The following SAMD7 variants were observed in gnomAD, a reference collection of about 807,000 sequenced individuals.
SAMD7 encodes sterile alpha motif domain-containing protein 7.
Under a neutral mutation model 36.7 loss-of-function variants are expected in SAMD7, and 34 were observed. That is an observed-to-expected ratio of 0.93 (90% CI 0.71 to 1.23). The LOEUF is 1.23. Among genes scored for constraint, SAMD7 ranks in the 50% most tolerant of loss-of-function variants. SAMD7 has a pLI of 0.00. For missense variants in SAMD7, 570 were observed against 546.6 expected (o/e 1.04, Z -0.43); for synonymous variants, 188 against 189.7 (o/e 0.99, Z 0.07).
intron 3 of SAMD7, among the ~76,000 whole-genome samples, chr3:169,920,132 C>A (rs2108257564): frequency 6.6e-6 from 1 of 152,340 alleles, no homozygotes; most frequent in South Asian, 2.1e-4. Flanking sequence ...TGAGATCGTG[C>A]CCTTGCACTC....
At chr3:169,935,389 G>T (rs1016134981) in intron 7 of SAMD7, among the ~76,000 whole-genome samples, 6 of 152,166 alleles carry the variant, frequency 3.9e-5, no homozygotes, top group Admixed American at 1.3e-4. Flanking sequence ...GTCTTTAAAT[G>T]GTGGAGAGAC....
At chr3:169,923,422 C>A (rs6770626) in intron 4 of SAMD7, among the ~76,000 whole-genome samples, 136,621 of 152,280 alleles carry the variant, frequency 0.9, 61,563 homozygotes, top group East Asian at 0.99. Context: ...CCATGATTAC[C>A]GACAACAGGC....
chr3:169,927,123 T>C lies in SAMD7; in HGVS notation c.861T>C (p.Phe287=), dbSNP rs1402099969. 1.9e-6 allele frequency: 3 copies of C among 1,574,932 alleles called. No homozygotes were observed. The highest frequency in any genetic ancestry group is 2.4e-5 in the South Asian group (2 of 84,868). ...AAGAGGAGGCTTCGGAGCAGATTTT[T>C]GCAACCTGTGATGAAAAGAATGGGG... is the stretch of plus-strand genomic sequence containing the variant. ...DGKEEASEQI[F]ATCDEKNGVC... Residue 287 remains phenylalanine, a synonymous_variant, in exon 6 of 9, where the codon TTT becomes TTC. Coordinates refer to ENST00000335556, the MANE Select transcript of SAMD7 (RefSeq NM_001304366.2).
chr3:169,932,629 A>G, intron 7 of SAMD7: 1 of 536,654 alleles, frequency 1.9e-6, no homozygotes, highest in Non-Finnish European at 3.7e-6. Flanking sequence ...GAGAAACAGA[A>G]TCAGCTTGTG....
At chr3:169,921,126 C>T (rs1329616819) in intron 3 of SAMD7, 88 bp from the exon 4 acceptor site, 2 of 1,181,410 alleles carry the variant, frequency 1.7e-6, no homozygotes, top group South Asian at 1.3e-5. Context: ...TCCCATATGG[C>T]AATAACAAAA....
chr3:169,919,704 C>A, intron 3 of SAMD7, 120 bp downstream of exon 3: 1 of 849,794 alleles, frequency 1.2e-6, no homozygotes, highest in South Asian at 1.5e-5. Context: ...AACTGTGGTG[C>A]AGTAATTCAA....
At chr3:169,935,691 T>G (rs558823155) in intron 7 of SAMD7, among the ~76,000 whole-genome samples, 1 of 152,274 alleles carries the variant, frequency 6.6e-6, no homozygotes, top group East Asian at 1.9e-4. Flanking sequence ...ATCATGAAAT[T>G]ACGGTCCTAT....
intron 4 of SAMD7, among the ~76,000 whole-genome samples, chr3:169,924,067 C>T (rs1267980914): frequency 6.6e-6 from 1 of 152,098 alleles, no homozygotes; most frequent in Non-Finnish European, 1.5e-5. Flanking sequence ...GAATTGGTAG[C>T]TTCATGCATG....
At position 169,921,216 on chromosome 3, in the gene SAMD7, A is replaced by T. The variant is rs753499250; in HGVS notation, c.89A>T (p.Asp30Val). 6.2e-6 allele frequency: 10 copies of T among 1,613,756 alleles called. No homozygotes were observed. In the Admixed American group the frequency reaches 1.0e-4, roughly 16 times the overall value. Residue 30 changes from aspartate (D) to valine (V), a missense_variant and splice_region_variant, in exon 4 of 9, where the codon GAT becomes GTT. Coordinates refer to ENST00000335556, the MANE Select transcript of SAMD7 (RefSeq NM_001304366.2). ...SPFGPPTVDR[D>V]VLPSTVAPTD... ...ATTTTATATCTTTTTGTTCTCAGAG[A>T]TGTATTGCCTTCCACCGTAGCTCCA...
intron 7 of SAMD7, among the ~76,000 whole-genome samples, chr3:169,931,476 C>T (rs950587984): frequency 6.6e-5 from 10 of 151,988 alleles, no homozygotes; most frequent in Admixed American, 4.6e-4. Context: ...CAGGTGCACA[C>T]TACCACACCC....
Position 169,916,942 on chromosome 3 carries a change from T to C in SAMD7, c.-42+1501T>C, listed in dbSNP as rs1176508847. Among the ~76,000 whole-genome samples, 4 of 152,208 alleles carry C rather than the reference T, an allele frequency of 2.6e-5. No homozygotes were observed. The East Asian group carries it at 7.7e-4, about 29-fold the overall frequency. On this transcript the variant is annotated intron_variant, in intron 2 of 8. Coordinates refer to ENST00000335556, the MANE Select transcript of SAMD7 (RefSeq NM_001304366.2). ...CAGCCCATCTCCGACCCAGCCTGTG[T>C]TCTCTGCTGGCATCCTCCATGGCTT... is the stretch of plus-strand genomic sequence containing the variant.
At chr3:169,932,655 T>G in intron 7 of SAMD7, 1 of 552,764 alleles carries the variant, frequency 1.8e-6, no homozygotes. Context: ...GGAGACACAA[T>G]GGAAAAATCT....
At chr3:169,919,394 A>G (rs1412519821) in intron 2 of SAMD7, 64 bp from the exon 3 acceptor site, 10 of 881,698 alleles carry the variant, frequency 1.1e-5, no homozygotes, top group Non-Finnish European at 1.9e-5. Flanking sequence ...TGTGTTCAAG[A>G]AGAATTCAAA....
At chr3:169,916,693 T>G (rs144733688) in intron 2 of SAMD7, among the ~76,000 whole-genome samples, 1 of 152,324 alleles carries the variant, frequency 6.6e-6, no homozygotes, top group Non-Finnish European at 1.5e-5. Flanking sequence ...TCAAAAATTC[T>G]ATCTCACTCC....
At chr3:169,929,379 A>T (rs1214928754) in intron 7 of SAMD7, among the ~76,000 whole-genome samples, 1 of 141,586 alleles carries the variant, frequency 7.1e-6, no homozygotes, top group African/African-American at 2.7e-5. Context: ...ATTAAGGTTT[A>T]ACTACATCAT....
At chr3:169,932,091 G>A (rs1366965755) in intron 7 of SAMD7, 2 of 520,420 alleles carry the variant, frequency 3.8e-6, no homozygotes, top group African/African-American at 4.0e-5. Context: ...TACATCAACT[G>A]CCAAGCAGCG....
chr3:169,917,251 G>A (rs972362733), intron 2 of SAMD7, among the ~76,000 whole-genome samples: 4 of 152,104 alleles, frequency 2.6e-5, no homozygotes, highest in African/African-American at 9.7e-5. Flanking sequence ...TGAACCATGT[G>A]AATGAATTAA....
chr3:169,934,748 A>G (rs1410349441), intron 7 of SAMD7, among the ~76,000 whole-genome samples: 5 of 152,254 alleles, frequency 3.3e-5, no homozygotes, highest in Non-Finnish European at 1.5e-5. Context: ...GGGAGCCTTC[A>G]GCATATACAG....
chr3:169,914,201 T>C (rs1193275798), intron 1 of SAMD7, among the ~76,000 whole-genome samples: 1 of 152,140 alleles, frequency 6.6e-6, no homozygotes, highest in Non-Finnish European at 1.5e-5. Flanking sequence ...CATGTGTGTG[T>C]TGGGGGAGGA....
Sources: allele counts gnomAD v4.1 joint callset (sites outside exome capture counted in the v4.1 genomes callset), GRCh38; gene constraint gnomAD v4.1.1; transcripts MANE v1.5; gene names NCBI Gene and HGNC (gene_info 2026-07-23, HGNC 2026-07-21).